RIN2: variants seen among roughly 807,000 people sequenced by gnomAD.
The protein encoded by RIN2 is Ras and Rab interactor 2, also known as RAB5 interacting protein 2.
In RIN2, 36 loss-of-function variants were observed where a neutral mutation model predicts 78.0. That is an observed-to-expected ratio of 0.46 (90% confidence interval 0.35 to 0.61). The LOEUF (loss-of-function observed/expected upper bound fraction) is 0.61. Ranked by LOEUF, RIN2 falls within the 20% of genes least tolerant of loss-of-function variation. RIN2 has a pLI of 0.00. For missense variants in RIN2, 1,087 were observed against 1,159.7 expected (o/e 0.94, Z 0.91); for synonymous variants, 466 against 466.8 (o/e 1.00, Z 0.02).
intron 1 of RIN2, among the ~76,000 whole-genome samples, chr20:19,759,064 C>A (rs1221457306): frequency 6.6e-6 from 1 of 152,204 alleles, no homozygotes; most frequent in African/African-American, 2.4e-5. Flanking sequence ...TGGCCTCCAC[C>A]CTTGGCCTGG....
intron 1 of RIN2, among the ~76,000 whole-genome samples, chr20:19,770,450 C>T (rs963310401): frequency 1.3e-5 from 2 of 152,110 alleles, no homozygotes; most frequent in Non-Finnish European, 2.9e-5. Context: ...CCCTCTGACC[C>T]TTAAAGCATT....
rs767860723 is a variant in RIN2, at chr20:19,956,798, G to T, written c.342G>T (p.Gln114His). 2 of 1,579,532 alleles carry T rather than the reference G, an allele frequency of 1.3e-6. No individual in the cohort carries two copies. Among genetic ancestry groups the T allele is most frequent in the Non-Finnish European group, 8.6e-7 (1 of 1,160,316 alleles). The change falls in exon 5 of 13, where the codon CAG becomes CAT. Residue 114 changes from glutamine (Q) to histidine (H), a missense_variant. By Grantham distance (24) the Gln-to-His change is conservative. Coordinates refer to ENST00000255006, the MANE Select transcript of RIN2 (RefSeq NM_018993.4). ...EEEAAEVLQA[Q>H]PPGIFLVHKS... Reference sequence around the variant, plus strand: ...AGGCAGCAGAGGTCCTGCAGGCCCAGCCTCCGGGGGTAAGACTCAGAACCT... The same window carrying T: ...AGGCAGCAGAGGTCCTGCAGGCCCATCCTCCGGGGGTAAGACTCAGAACCT...
chr20:19,973,245 G>A (rs902451822), intron 8 of RIN2, among the ~76,000 whole-genome samples: 9 of 152,176 alleles, frequency 5.9e-5, no homozygotes, highest in Admixed American at 3.9e-4. Flanking sequence ...TGACTTCCTC[G>A]GTTGTACTAG....
chr20:19,928,183 G>A (rs917532506), intron 3 of RIN2, among the ~76,000 whole-genome samples: 2 of 152,230 alleles, frequency 1.3e-5, no homozygotes, highest in Admixed American at 6.5e-5. Flanking sequence ...GATTACAGGC[G>A]TGAGCCACTG....
chr20:19,924,937 C>A (rs1181604740), intron 3 of RIN2, among the ~76,000 whole-genome samples: 1 of 150,502 alleles, frequency 6.6e-6, no homozygotes, highest in Non-Finnish European at 1.5e-5. Context: ...TAGGGTTTCT[C>A]CAAGTTGGTC....
At position 19,844,595 on chromosome 20, in the gene RIN2, T is replaced by TGCTTCC. The variant is rs1377675880; in HGVS notation, c.-37+44848_-37+44849insGCTTCC. Among the ~76,000 whole-genome samples the TGCTTCC allele has an allele frequency of 2.5e-3, 147 of 58,470 alleles. 6 individuals are homozygous for TGCTTCC. The East Asian group carries it at 0.031, about 12-fold the overall frequency. 38.4% of individuals were successfully genotyped at this position (58,470 alleles called of 152,430 possible). A position where few individuals can be genotyped will look rare whatever the true frequency, so the allele number is the denominator to read the frequency against. On this transcript the variant is annotated intron_variant, in intron 2 of 12. Coordinates refer to ENST00000255006, the MANE Select transcript of RIN2 (RefSeq NM_018993.4). The stretch of plus-strand genomic sequence containing the variant: ...AGAGAGCTGCTGCTGCTGCTGCTGC[T>TGCTTCC]TCTTCCTCTTCTTCTTCTTCTTCTT...
Position 19,815,532 on chromosome 20 carries a change from A to C in RIN2, c.-37+15785A>C, listed in dbSNP as rs148864853. Among the ~76,000 whole-genome samples the C allele has an allele frequency of 6.3e-4, 96 of 152,330 alleles. 1 individual carries two copies. The highest frequency in any genetic ancestry group is 2.1e-3 in the African/African-American group (89 of 41,552). ...ATAGATTTCTTAGGCTTTGTTTTGA[A>C]AAGTTGCTTTTCTTTTTCTTCTTTG... On this transcript the variant is annotated intron_variant, in intron 2 of 12. Coordinates refer to ENST00000255006, the MANE Select transcript of RIN2 (RefSeq NM_018993.4).
At chr20:19,887,547 G>C (rs1250902407) in intron 2 of RIN2, among the ~76,000 whole-genome samples, 1 of 152,176 alleles carries the variant, frequency 6.6e-6, no homozygotes, top group Admixed American at 6.5e-5. Flanking sequence ...GCCCTGAGCA[G>C]AATTCAAACT....
chr20:19,818,041 A>C (rs748219265), intron 2 of RIN2, among the ~76,000 whole-genome samples: 2 of 152,216 alleles, frequency 1.3e-5, no homozygotes, highest in Non-Finnish European at 1.5e-5. Flanking sequence ...GGTAGAGCCC[A>C]CTACACAGGT....
intron 2 of RIN2, among the ~76,000 whole-genome samples, chr20:19,837,874 T>G (rs927282): frequency 0.93 from 141,550 of 151,780 alleles, 66,052 homozygotes; most frequent in East Asian, 1. Flanking sequence ...TGTTGAGAAT[T>G]ATCTTCTCAA....
intron 3 of RIN2, chr20:19,934,693 C>T (rs1431361415): frequency 2.2e-5 from 18 of 805,320 alleles, no homozygotes; most frequent in Admixed American, 1.2e-4. Flanking sequence ...TTCAGTCCTT[C>T]AAAGGGGGTT....
chr20:19,757,677 C>G (rs1443940063), upstream of RIN2: 1 of 152,422 alleles, frequency 6.6e-6, no homozygotes, highest in African/African-American at 2.4e-5. Flanking sequence ...GGGGCCTTTC[C>G]AGCCCCTGCA....
intron 1 of RIN2, among the ~76,000 whole-genome samples, chr20:19,790,873 G>C (rs1171036802): frequency 6.6e-6 from 1 of 152,142 alleles, no homozygotes; most frequent in Non-Finnish European, 1.5e-5. Flanking sequence ...TTGTAAAATG[G>C]AAACCCTTCC....
intron 2 of RIN2, among the ~76,000 whole-genome samples, chr20:19,882,523 A>T (rs1436071160): frequency 6.6e-6 from 1 of 152,212 alleles, no homozygotes; most frequent in Non-Finnish European, 1.5e-5. Context: ...AGCCTTGGAA[A>T]AGAAAGCTCT....
intron 2 of RIN2, among the ~76,000 whole-genome samples, chr20:19,854,553 C>T (rs1422331040): frequency 2.0e-5 from 3 of 152,226 alleles, no homozygotes; most frequent in Non-Finnish European, 2.9e-5. Flanking sequence ...TCTTTTGTTT[C>T]GTTGAGCAGT....
At chr20:19,767,567 A>G (rs1191405241) in intron 1 of RIN2, among the ~76,000 whole-genome samples, 1 of 152,086 alleles carries the variant, frequency 6.6e-6, no homozygotes, top group Admixed American at 6.6e-5. Context: ...TTTGCTTCTG[A>G]GGCCCTCATT....
At chr20:19,879,997 C>T (rs6046401) in intron 2 of RIN2, among the ~76,000 whole-genome samples, 16 of 152,168 alleles carry the variant, frequency 1.1e-4, no homozygotes, top group African/African-American at 3.9e-4. Context: ...TCATGCCATC[C>T]CAGCACTTTG....
chr20:19,873,159 C>G (rs1038280935), intron 2 of RIN2, among the ~76,000 whole-genome samples: 2 of 151,224 alleles, frequency 1.3e-5, no homozygotes, highest in African/African-American at 4.9e-5. Context: ...GAGTCTTGCT[C>G]TATCACCCAG....
intron 4 of RIN2, among the ~76,000 whole-genome samples, chr20:19,937,421 T>A (rs530400087): frequency 1.3e-5 from 2 of 152,274 alleles, no homozygotes; most frequent in South Asian, 2.1e-4. Flanking sequence ...CTCTGCAGCT[T>A]CGTACTCTGT....
Sources: gnomAD v4.1 joint callset for allele counts (sites outside exome capture counted in the v4.1 genomes callset) on GRCh38, gnomAD v4.1.1 for gene constraint, MANE v1.5 for transcripts, NCBI Gene and HGNC (gene_info 2026-07-23, HGNC 2026-07-21) for gene names.